Variants in DMD observed in about 807,000 individuals in gnomAD.
The protein encoded by DMD is mutant dystrophin.
A neutral mutation model predicts 330.1 loss-of-function variants in DMD; 63 were observed. That is an observed-to-expected ratio of 0.19 (90% CI 0.16 to 0.24). The LOEUF (loss-of-function observed/expected upper bound fraction) is 0.24. Ranked by LOEUF, DMD falls within the 10% of genes least tolerant of loss-of-function variation. The probability of loss-of-function intolerance (pLI) is 1.00; values close to 1 mark genes in which losing one functional copy is unlikely to be tolerated. For missense variants in DMD, 3,344 were observed against 2,684.1 expected (o/e 1.25, Z -5.43); for synonymous variants, 1,223 against 959.8 (o/e 1.27, Z -5.07).
chrX:32,633,829 G>A (rs916974974), intron 11 of DMD, among the ~76,000 whole-genome samples: 2 of 110,936 alleles, frequency 1.8e-5, no homozygotes, highest in African/African-American at 6.6e-5. Context: ...AGGGTGCCAC[G>A]CTTTTAAACA....
At chrX:32,362,669 G>C in intron 37 of DMD, 119 bp downstream of exon 37, 1 of 784,838 alleles carries the variant, frequency 1.3e-6, no homozygotes, top group Non-Finnish European at 1.9e-6. Context: ...ATACATTTTG[G>C]CATTCATTTT....
chrX:31,613,337 G>A (rs2078027670), intron 55 of DMD, among the ~76,000 whole-genome samples: 1 of 111,157 alleles, frequency 9.0e-6, no homozygotes, highest in South Asian at 3.8e-4. Flanking sequence ...TTGCTCTTGG[G>A]ACCCAACTCT....
intron 66 of DMD, among the ~76,000 whole-genome samples, chrX:31,205,437 C>G (rs1290329980): frequency 9.0e-6 from 1 of 111,685 alleles, no homozygotes; most frequent in Admixed American, 9.5e-5. Flanking sequence ...AAACATGTTC[C>G]CTCTTAGTAG....
chrX:33,037,945 T>C (rs1239780476), intron 1 of DMD, among the ~76,000 whole-genome samples: 3 of 112,260 alleles, frequency 2.7e-5, no homozygotes, highest in African/African-American at 9.7e-5. Flanking sequence ...ATTCGAAAGA[T>C]GACATGTCTA....
intron 44 of DMD, among the ~76,000 whole-genome samples, chrX:32,013,635 C>T (rs1414199977): frequency 8.9e-6 from 1 of 111,863 alleles, no homozygotes; most frequent in Non-Finnish European, 1.9e-5. Context: ...CTGAAAACAT[C>T]ATTCTTGCCA....
intron 52 of DMD, among the ~76,000 whole-genome samples, chrX:31,727,363 T>C (rs1015763373): frequency 9.0e-6 from 1 of 111,698 alleles, no homozygotes; most frequent in Non-Finnish European, 1.9e-5. Context: ...GCTAAATCAA[T>C]TGTATGGCTA....
chrX:31,456,060 C>CCTCTCTCT (rs57908791), intron 59 of DMD, among the ~76,000 whole-genome samples: 1 of 102,697 alleles, frequency 9.7e-6, no homozygotes, highest in Admixed American at 1.1e-4. Context: ...ACAGATGATC[C>CCTCTCTCT]CTCTCTCTCT....
chrX:31,887,276 T>C (rs988361522), intron 47 of DMD, among the ~76,000 whole-genome samples: 1 of 112,235 alleles, frequency 8.9e-6, no homozygotes, highest in African/African-American at 3.2e-5. Flanking sequence ...TGAAAGTAAG[T>C]GGGATGATAG....
At chrX:32,076,600 C>T (rs2096353691) in intron 44 of DMD, among the ~76,000 whole-genome samples, 1 of 110,521 alleles carries the variant, frequency 9.0e-6, no homozygotes, top group Non-Finnish European at 1.9e-5. Context: ...AGGATGGTCT[C>T]GATCTCTTGA....
chrX:32,242,038 T>A (rs2097210659), intron 43 of DMD, among the ~76,000 whole-genome samples: 1 of 111,519 alleles, frequency 9.0e-6, no homozygotes, highest in Non-Finnish European at 1.9e-5. Flanking sequence ...CAAGATAAGA[T>A]GATTAGGGTT....
intron 44 of DMD, among the ~76,000 whole-genome samples, chrX:32,179,947 C>T (rs1252958865): frequency 8.9e-6 from 1 of 111,986 alleles, no homozygotes; most frequent in African/African-American, 3.2e-5. Context: ...GTCCATTAAG[C>T]CTCTTTTTAC....
At chrX:31,992,903 G>A (rs763396327) in intron 44 of DMD, among the ~76,000 whole-genome samples, 189 of 112,003 alleles carry the variant, frequency 1.7e-3, no homozygotes, top group Non-Finnish European at 2.7e-3. Context: ...TTAGGGAAAT[G>A]TAATTATATT....
intron 11 of DMD, among the ~76,000 whole-genome samples, chrX:32,633,547 C>T (rs777178891): frequency 3.6e-5 from 4 of 112,160 alleles, no homozygotes; most frequent in Non-Finnish European, 7.5e-5. Flanking sequence ...GCAGCTTCTA[C>T]ATTTTCAAGT....
rs1569547975 is a variant in DMD, at chrX:31,507,311, C to G, written c.8360G>C (p.Ser2787Thr). 8.3e-7 allele frequency: 1 copy of G among 1,211,777 alleles called. No homozygotes were observed. The highest frequency in any genetic ancestry group is 1.8e-5 in the South Asian group (1 of 56,993). ...GTTGAGAGACTTTTTCCGAAGTTCACTCCACTTGAAGTTCATGTTATCCAA... is the reference window on the plus strand; with the variant it reads ...GTTGAGAGACTTTTTCCGAAGTTCAGTCCACTTGAAGTTCATGTTATCCAA... ...RRLDNMNFKWSELRKKSLNIR... is the reference protein window; with the variant it reads ...RRLDNMNFKWTELRKKSLNIR... The change falls in exon 56 of 79, where the codon AGT becomes ACT. Residue 2787 changes from serine (S) to threonine (T), a missense_variant. Coordinates refer to ENST00000357033, the MANE Select transcript of DMD (RefSeq NM_004006.3).
At chrX:32,480,475 TAC>T (rs1293786123) in intron 21 of DMD, among the ~76,000 whole-genome samples, 1 of 109,901 alleles carries the variant, frequency 9.1e-6, no homozygotes, top group Non-Finnish European at 1.9e-5. Flanking sequence ...CGTGTGTACA[TAC>T]ACAGTATGTG....
chrX:31,593,665 T>C, intron 55 of DMD, among the ~76,000 whole-genome samples: 1 of 111,128 alleles, frequency 9.0e-6, no homozygotes, highest in Non-Finnish European at 1.9e-5. Flanking sequence ...TAGATTTTAT[T>C]TGATTTTAAA....
chrX:32,491,513 C>T lies in DMD; in HGVS notation c.2386G>A (p.Val796Ile), dbSNP rs139726281. The T allele has an allele frequency of 3.5e-4, 424 of 1,206,377 alleles. No homozygotes were observed. Among genetic ancestry groups the T allele is most frequent in the Non-Finnish European group, 4.3e-4 (384 of 893,053 alleles). ...ALVEQMVNEG[V>I]NADSIKQASE... is the part of the protein sequence containing the mutation. ...GCTTGTTTGATGCTATCTGCATTAA[C>T]ACCCTCTAGAAAGAAAAAAATAATT... Residue 796 changes from valine to isoleucine, a missense_variant, in exon 20 of 79, where the codon GTT (valine) becomes ATT (isoleucine). By Grantham distance (29) the Val-to-Ile change is conservative. Transcript: ENST00000357033.
chrX:32,152,197 A>C (rs969185093), intron 44 of DMD, among the ~76,000 whole-genome samples: 2 of 112,067 alleles, frequency 1.8e-5, no homozygotes, highest in Admixed American at 9.5e-5. Flanking sequence ...GCTACATTAC[A>C]ATGTTCCCTC....
intron 49 of DMD, among the ~76,000 whole-genome samples, chrX:31,824,685 C>T (rs1047854314): frequency 9.0e-6 from 1 of 111,091 alleles, no homozygotes; most frequent in African/African-American, 3.3e-5. Context: ...AGGAAAGAAA[C>T]AGGAATAGAG....
Sources: gnomAD v4.1 joint callset for allele counts (sites outside exome capture counted in the v4.1 genomes callset) on GRCh38, gnomAD v4.1.1 for gene constraint, MANE v1.5 for transcripts, NCBI Gene and HGNC (gene_info 2026-07-23, HGNC 2026-07-21) for gene names.